The following ANO3 variants were observed in gnomAD, a reference collection of about 807,000 sequenced individuals.
The protein encoded by ANO3 is anoctamin-3.
A neutral mutation model predicts 144.8 loss-of-function variants in ANO3; 99 were observed. The observed-to-expected ratio is 0.68, with a 90% confidence interval of 0.58 to 0.81. The LOEUF is 0.81. Among genes scored for constraint, ANO3 ranks in the 30% least tolerant of loss-of-function variants. The pLI, the probability that ANO3 is intolerant of heterozygous loss-of-function variation, is 0.00. For missense variants in ANO3, 905 were observed against 1,202.2 expected, an observed-to-expected ratio of 0.75 and a Z score of 3.66; for synonymous variants, 414 against 392.6, an observed-to-expected ratio of 1.05 and a Z score of -0.64.
chr11:26,583,513 G>A (rs142329911), intron 14 of ANO3, among the ~76,000 whole-genome samples: 10 of 152,162 alleles, frequency 6.6e-5, no homozygotes, highest in South Asian at 2.1e-4. Context: ...AAAATCTGCC[G>A]CTGCACACAT....
At chr11:26,386,973 A>G (rs752837535) in intron 1 of ANO3, among the ~76,000 whole-genome samples, 1 of 151,864 alleles carries the variant, frequency 6.6e-6, no homozygotes, top group Non-Finnish European at 1.5e-5. Context: ...TTCTGGGGAG[A>G]GGGAGACACA....
intron 17 of ANO3, among the ~76,000 whole-genome samples, chr11:26,612,868 T>C (rs1183350859): frequency 1.3e-5 from 2 of 152,136 alleles, no homozygotes. Context: ...CTGCTGATAG[T>C]CTAATAGGGG....
intron 1 of ANO3, among the ~76,000 whole-genome samples, chr11:26,239,090 C>T (rs1263022748): frequency 6.7e-6 from 1 of 149,970 alleles, no homozygotes; most frequent in Non-Finnish European, 1.5e-5. Flanking sequence ...ATAATATTTA[C>T]AGCTTGAGGT....
chr11:26,205,988 C>T (rs1202300758), intron 1 of ANO3, among the ~76,000 whole-genome samples: 1 of 152,190 alleles, frequency 6.6e-6, no homozygotes, highest in Non-Finnish European at 1.5e-5. Flanking sequence ...AATTATAATT[C>T]AAATTTTATG....
At chr11:26,464,625 G>A (rs1859531021) in intron 4 of ANO3, among the ~76,000 whole-genome samples, 1 of 151,776 alleles carries the variant, frequency 6.6e-6, no homozygotes, top group Non-Finnish European at 1.5e-5. Flanking sequence ...GGATATCAAA[G>A]TTTTAAAAAA....
intron 14 of ANO3, 135 bp from the exon 15 acceptor site, chr11:26,598,230 G>A (rs999085089): frequency 1.9e-5 from 7 of 372,120 alleles, no homozygotes; most frequent in African/African-American, 1.1e-4. Flanking sequence ...GGGAGAAGAG[G>A]AAAAGGGAAA....
intron 4 of ANO3, among the ~76,000 whole-genome samples, chr11:26,485,887 A>C (rs1175228979): frequency 1.3e-5 from 2 of 152,208 alleles, no homozygotes; most frequent in Non-Finnish European, 2.9e-5. Flanking sequence ...ACAGCAAAAG[A>C]ATCAACAGAG....
At chr11:26,386,785 A>G (rs1335269168) in intron 1 of ANO3, among the ~76,000 whole-genome samples, 1 of 152,186 alleles carries the variant, frequency 6.6e-6, no homozygotes, top group Non-Finnish European at 1.5e-5. Context: ...AACTAAATAC[A>G]TATTCCTGGA....
rs142524185 is a variant in ANO3, at chr11:26,542,396, G to T, written c.1154+328G>T. Among the ~76,000 whole-genome samples the T allele has an allele frequency of 8.5e-5, 13 of 152,162 alleles. No homozygotes were observed. The East Asian group carries it at 2.3e-3, about 27-fold the overall frequency. On this transcript the variant is annotated intron_variant, in intron 11 of 26. Transcript: ENST00000256737. ...TACCATTGCTAGGGCTTCCAGCAGA[G>T]AGGTGAAAGTGAGGGGGAGGATGGA...
At chr11:26,267,316 G>C (rs180744050) in intron 1 of ANO3, among the ~76,000 whole-genome samples, 1 of 151,982 alleles carries the variant, frequency 6.6e-6, no homozygotes, top group Non-Finnish European at 1.5e-5. Context: ...TGTTTGTGAC[G>C]ATTCCCTAAA....
chr11:26,624,315 C>A (rs1852512573), intron 17 of ANO3, 147 bp from the exon 18 acceptor site: 1 of 570,394 alleles, frequency 1.8e-6, no homozygotes, highest in Non-Finnish European at 3.1e-6. Context: ...TAAAGCCTTA[C>A]ATACTAAGTT....
chr11:26,537,293 T>A, intron 9 of ANO3, 113 bp from the exon 10 acceptor site: 1 of 836,396 alleles, frequency 1.2e-6, no homozygotes, highest in South Asian at 1.4e-5. Flanking sequence ...GGAAGTCATT[T>A]GGGTTATCTT....
chr11:26,455,760 C>T (rs1030869512), intron 3 of ANO3, among the ~76,000 whole-genome samples: 4 of 150,454 alleles, frequency 2.7e-5, no homozygotes, highest in African/African-American at 7.3e-5. Context: ...GAGCCCGCAT[C>T]GCCAAGTCAA....
intron 23 of ANO3, among the ~76,000 whole-genome samples, chr11:26,645,056 TG>T (rs35839644): frequency 0.33 from 50,851 of 151,950 alleles, 9,332 homozygotes; most frequent in South Asian, 0.47. Context: ...TTTCACCTGT[TG>T]TATTTATTGT....
chr11:26,304,604 G>C (rs1854326221), upstream of ANO3, among the ~76,000 whole-genome samples: 1 of 152,022 alleles, frequency 6.6e-6, no homozygotes, highest in African/African-American at 2.4e-5. Flanking sequence ...ACAGCCATTT[G>C]ATAACTTATT....
chr11:26,283,030 A>G (rs557387849), intron 1 of ANO3, among the ~76,000 whole-genome samples: 1 of 152,082 alleles, frequency 6.6e-6, no homozygotes, highest in African/African-American at 2.4e-5. Context: ...TACAGAAAAA[A>G]ATTGAAAAAC....
chr11:26,425,150 A>G (rs1857883584), intron 1 of ANO3, among the ~76,000 whole-genome samples: 1 of 152,030 alleles, frequency 6.6e-6, no homozygotes, highest in Non-Finnish European at 1.5e-5. Flanking sequence ...CTTCCAGTCA[A>G]TTCTTCCTTT....
intron 3 of ANO3, among the ~76,000 whole-genome samples, chr11:26,459,376 C>T (rs79227597): frequency 1.4e-4 from 22 of 151,978 alleles, no homozygotes; most frequent in Non-Finnish European, 2.6e-4. Context: ...TTTGGAGAAT[C>T]GAATGGACTT....
upstream of ANO3, among the ~76,000 whole-genome samples, chr11:26,329,541 T>A (rs1328494044): frequency 6.6e-6 from 1 of 152,174 alleles, no homozygotes; most frequent in African/African-American, 2.4e-5. Context: ...AGAAAAGTAA[T>A]TAACTTTATG....
Sources: gnomAD v4.1 joint callset for allele counts (sites outside exome capture counted in the v4.1 genomes callset) on GRCh38, gnomAD v4.1.1 for gene constraint, MANE v1.5 for transcripts, NCBI Gene and HGNC (gene_info 2026-07-23, HGNC 2026-07-21) for gene names.